CLUAP1: variants seen among roughly 807,000 people sequenced by gnomAD.
The protein encoded by CLUAP1 is clusterin-associated protein 1.
In CLUAP1, 50 loss-of-function variants were observed where a neutral mutation model predicts 55.0. The ratio of observed to expected loss-of-function variants is 0.91; its 90% CI spans 0.72 to 1.15. The LOEUF (loss-of-function observed/expected upper bound fraction) is 1.15. Ranked by LOEUF, CLUAP1 falls within the 50% of genes most tolerant of loss-of-function variation. The pLI is 0.00. For missense variants in CLUAP1, 530 were observed against 507.6 expected (o/e 1.04, Z -0.42); for synonymous variants, 195 against 175.4 (o/e 1.11, Z -0.88).
intron 3 of CLUAP1, among the ~76,000 whole-genome samples, chr16:3,507,974 G>A (rs2037542207): frequency 6.6e-6 from 1 of 152,094 alleles, no homozygotes; most frequent in Admixed American, 6.6e-5. Flanking sequence ...TTGGAACAGT[G>A]CTGTAACAAA....
intron 11 of CLUAP1, 116 bp downstream of exon 11, chr16:3,532,957 G>C (rs537708666): frequency 2.2e-6 from 3 of 1,377,016 alleles, no homozygotes; most frequent in Non-Finnish European, 3.1e-6. Context: ...CAGCCCGGCC[G>C]TGCCTCGATG....
chr16:3,524,596 C>CAAAAAAAA (rs755040158), intron 8 of CLUAP1, among the ~76,000 whole-genome samples: 15 of 34,234 alleles, frequency 4.4e-4, no homozygotes, highest in East Asian at 8.4e-4. Context: ...GACACCATCT[C>CAAAAAAAA]AAAAAAAAAA....
At chr16:3,503,147 G>T (rs753795021) in intron 1 of CLUAP1, among the ~76,000 whole-genome samples, 1 of 151,312 alleles carries the variant, frequency 6.6e-6, no homozygotes, top group African/African-American at 2.4e-5. Flanking sequence ...CCTAACTTTT[G>T]TATTTTTATT....
intron 9 of CLUAP1, 75 bp downstream of exon 9, chr16:3,526,559 A>C: frequency 2.5e-6 from 2 of 803,432 alleles, no homozygotes; most frequent in Non-Finnish European, 3.4e-6. Context: ...ATAGAGAGAT[A>C]TATATATATT....
At chr16:3,496,128 G>A (rs1317355706), upstream of CLUAP1, 2 of 382,470 alleles carry the variant, frequency 5.2e-6, no homozygotes, top group Non-Finnish European at 5.0e-6. Context: ...GCTGCAGAGC[G>A]AGACTCCGTC....
chr16:3,531,288 A>G (rs1386087394), intron 10 of CLUAP1, among the ~76,000 whole-genome samples: 1 of 152,218 alleles, frequency 6.6e-6, no homozygotes, highest in African/African-American at 2.4e-5. Flanking sequence ...TGGGAGGCCA[A>G]GGCGGGTGGA....
intron 11 of CLUAP1, chr16:3,533,117 C>G: frequency 6.5e-7 from 1 of 1,536,168 alleles, no homozygotes; most frequent in Non-Finnish European, 8.7e-7. Flanking sequence ...AGCACCAGCT[C>G]TCTTAGGTAA....
At chr16:3,512,292 T>A in intron 4 of CLUAP1, 91 bp from the exon 5 acceptor site, 3 of 942,776 alleles carry the variant, frequency 3.2e-6, no homozygotes, top group Non-Finnish European at 5.2e-6. Context: ...GGCCAGGAGT[T>A]AGAGAGCAGC....
chr16:3,521,866 G>T (rs1233697387), intron 7 of CLUAP1, among the ~76,000 whole-genome samples: 2 of 151,906 alleles, frequency 1.3e-5, no homozygotes, highest in East Asian at 3.9e-4. Context: ...ACCAGCCTGG[G>T]CAATATGGCG....
chr16:3,507,820 T>C (rs1371491332), intron 3 of CLUAP1, among the ~76,000 whole-genome samples: 7 of 152,110 alleles, frequency 4.6e-5, no homozygotes, highest in Non-Finnish European at 8.8e-5. Context: ...CTTGCTTTAC[T>C]TAATGGTATA....
At chr16:3,507,073 G>A (rs907457416) in intron 3 of CLUAP1, among the ~76,000 whole-genome samples, 1 of 151,748 alleles carries the variant, frequency 6.6e-6, no homozygotes, top group African/African-American at 2.4e-5. Context: ...GCGGGCACCT[G>A]TAGTCCCAGC....
chr16:3,496,390 C>T (rs1046003698), upstream of CLUAP1: 16 of 1,103,324 alleles, frequency 1.5e-5, no homozygotes, highest in African/African-American at 1.4e-4. Context: ...CACCTCTGTC[C>T]GTTTCCCGGA....
At chr16:3,497,211 T>TG (rs1284237725), upstream of CLUAP1, among the ~76,000 whole-genome samples, 1 of 151,162 alleles carries the variant, frequency 6.6e-6, no homozygotes, top group African/African-American at 2.4e-5. Flanking sequence ...AATTCATACT[T>TG]GAAAAAAAAA....
intron 2 of CLUAP1, 41 bp from the exon 3 acceptor site, chr16:3,506,290 C>T: frequency 1.3e-6 from 2 of 1,520,924 alleles, no homozygotes; most frequent in Non-Finnish European, 1.8e-6. Context: ...AGACTTTCTC[C>T]TTGGTTAACC....
At position 3,501,042 on chromosome 16, in the gene CLUAP1, C is replaced by G. The variant is rs1228012309; in HGVS notation, c.-26C>G. On this transcript the variant is annotated 5_prime_UTR_variant, in exon 1 of 12. Transcript: ENST00000576634. ...TCGCTGAGGGGCGAGCAGTTGCGAC[C>G]CTGGGCTCCTGGGGACCTGAGCGTT... 2 of 1,597,192 alleles carry G rather than the reference C, an allele frequency of 1.3e-6. No individual in the cohort carries two copies. The highest frequency in any genetic ancestry group is 1.7e-6 in the Non-Finnish European group (2 of 1,174,912).
At chr16:3,518,521 C>T (rs1203415480) in intron 6 of CLUAP1, among the ~76,000 whole-genome samples, 1 of 152,176 alleles carries the variant, frequency 6.6e-6, no homozygotes, top group Admixed American at 6.5e-5. Flanking sequence ...CATTGTGGAT[C>T]TTTCTTGTTT....
chr16:3,509,596 G>A (rs940472641), intron 4 of CLUAP1, among the ~76,000 whole-genome samples: 6 of 152,176 alleles, frequency 3.9e-5, no homozygotes, highest in Admixed American at 1.3e-4. Context: ...AGAAATAAAG[G>A]TTAAGCCGTT....
In CLUAP1 at chr16:3,504,726, C is replaced by T. The variant is rs1217025155; in HGVS notation, c.29C>T (p.Thr10Ile). Reference protein sequence around the residue: MSFRDLRNFTEMMRALGYPR... With the variant: MSFRDLRNFIEMMRALGYPR... The stretch of plus-strand genomic sequence containing the variant: ...TGTATTTTTCCTTGGACAGATTTCA[C>T]AGAGATGATGAGAGCCCTGGGATAC... The change falls in exon 2 of 12, where the codon ACA (threonine) becomes ATA (isoleucine). Residue 10 changes from threonine to isoleucine, a missense_variant. Physicochemically the swap from Thr to Ile is moderately conservative, Grantham distance 89 (BLOSUM62 -1). Coordinates refer to ENST00000576634, the MANE Select transcript of CLUAP1 (RefSeq NM_015041.3). 2 of 1,588,524 alleles carry T rather than the reference C, an allele frequency of 1.3e-6. No homozygotes were observed. The highest frequency in any genetic ancestry group is 1.7e-6 in the Non-Finnish European group (2 of 1,156,656).
intron 1 of CLUAP1, among the ~76,000 whole-genome samples, 197 bp downstream of exon 1, chr16:3,501,286 C>A (rs893149921): frequency 6.6e-6 from 1 of 152,238 alleles, no homozygotes; most frequent in Non-Finnish European, 1.5e-5. Context: ...CCATTTCTAG[C>A]GAGGATGGAA....
Sources: gnomAD v4.1 joint callset for allele counts (sites outside exome capture counted in the v4.1 genomes callset) on GRCh38, gnomAD v4.1.1 for gene constraint, MANE v1.5 for transcripts, NCBI Gene and HGNC (gene_info 2026-07-23, HGNC 2026-07-21) for gene names.